GARIN1A: variants seen among roughly 807,000 people sequenced by gnomAD.
GARIN1A encodes the protein golgi associated RAB2 interactor 1A.
the GARIN1A span, among the ~76,000 whole-genome samples, chr7:128,678,728 A>G: frequency 5.3e-5 from 8 of 151,988 alleles, no homozygotes; most frequent in African/African-American, 1.9e-4. Context: ...TAAACTCAGG[A>G]AGCAAAGGTT....
the GARIN1A span, among the ~76,000 whole-genome samples, chr7:128,707,775 A>G: frequency 6.6e-6 from 1 of 152,140 alleles, no homozygotes; most frequent in Admixed American, 6.5e-5. Flanking sequence ...TCTGTGTATA[A>G]GTGACATCAT....
At chr7:128,709,146 A>G in the GARIN1A span, 2 of 152,416 alleles carry the variant, frequency 1.3e-5, no homozygotes, top group African/African-American at 2.4e-5. Context: ...GCTCAAAGCC[A>G]CATGTTGAGA....
chr7:128,692,098 G>A, the GARIN1A span, among the ~76,000 whole-genome samples: 1 of 152,192 alleles, frequency 6.6e-6, no homozygotes, highest in Non-Finnish European at 1.5e-5. Flanking sequence ...GGTATGAAGA[G>A]CTCCCCAATA....
At chr7:128,708,380 CT>C in the GARIN1A span, among the ~76,000 whole-genome samples, 1 of 152,102 alleles carries the variant, frequency 6.6e-6, no homozygotes, top group South Asian at 2.1e-4. Context: ...AAAAAGCTCT[CT>C]TTTCTATTTG....
chr7:128,695,563 G>A, the GARIN1A span, among the ~76,000 whole-genome samples: 8,889 of 151,990 alleles, frequency 0.058, 591 homozygotes, highest in African/African-American at 0.16. This position sits in a 1 kb window ranked among gnomAD's most constrained non-coding sequence, Gnocchi z 4.5. Context: ...TCTTTGAGAC[G>A]GGAGTCTTGC....
chr7:128,680,839 T>TTACAGATG, the GARIN1A span, among the ~76,000 whole-genome samples: 10 of 152,318 alleles, frequency 6.6e-5, no homozygotes, highest in African/African-American at 2.4e-4. Flanking sequence ...AGTGCTGGGA[T>TTACAGATG]TACAGATGTG....
the GARIN1A span, among the ~76,000 whole-genome samples, chr7:128,702,057 G>A: frequency 6.6e-6 from 1 of 152,112 alleles, no homozygotes; most frequent in African/African-American, 2.4e-5. Flanking sequence ...TCTATACTCA[G>A]TGAAAATATC....
At chr7:128,672,301 T>C in the GARIN1A span, 3 of 1,042,700 alleles carry the variant, frequency 2.9e-6, no homozygotes, top group African/African-American at 4.8e-5. Context: ...GAGGAAATGC[T>C]GGGGAGGTGG....
the GARIN1A span, among the ~76,000 whole-genome samples, chr7:128,693,020 A>T: frequency 3.9e-5 from 6 of 152,398 alleles, no homozygotes; most frequent in East Asian, 3.9e-4. Context: ...TGAAACCACC[A>T]GAATTACCAC....
chr7:128,681,710 C>T, the GARIN1A span, among the ~76,000 whole-genome samples: 1 of 151,878 alleles, frequency 6.6e-6, no homozygotes, highest in Non-Finnish European at 1.5e-5. Context: ...GCTATGTTGC[C>T]CAGGCTGGTC....
chr7:128,672,767 C>T, the GARIN1A span, among the ~76,000 whole-genome samples: 4 of 152,088 alleles, frequency 2.6e-5, no homozygotes, highest in South Asian at 4.2e-4. Context: ...GTCATCTGTT[C>T]TAGGGAAATT....
chr7:128,676,467 G>A, the GARIN1A span, among the ~76,000 whole-genome samples: 5 of 94,692 alleles, frequency 5.3e-5, no homozygotes, highest in East Asian at 8.3e-4. Context: ...GTGTGTGTGT[G>A]TATATATAGA....
the GARIN1A span, chr7:128,677,504 C>CGAAAA: frequency 7.9e-7 from 1 of 1,271,456 alleles, no homozygotes; most frequent in Non-Finnish European, 1.0e-6. Context: ...GACTCCGTCT[C>CGAAAA]AAAAAAAAAA....
chr7:128,676,014 A>C, the GARIN1A span, among the ~76,000 whole-genome samples: 2 of 136,968 alleles, frequency 1.5e-5, no homozygotes, highest in African/African-American at 5.4e-5. Flanking sequence ...CGATTTATTT[A>C]GTATCTTTTT....
the GARIN1A span, chr7:128,683,318 C>T: frequency 3.5e-6 from 2 of 574,314 alleles, no homozygotes; most frequent in African/African-American, 3.8e-5. Context: ...AAGTGAGTCC[C>T]TAATTTTTGC....
the GARIN1A span, among the ~76,000 whole-genome samples, chr7:128,678,742 G>T: frequency 6.6e-6 from 1 of 150,924 alleles, no homozygotes; most frequent in East Asian, 2.0e-4. Flanking sequence ...AAAGGTTGCA[G>T]TGAGCTGAAA....
chr7:128,691,135 C>T, the GARIN1A span: 1 of 151,962 alleles, frequency 6.6e-6, no homozygotes, highest in Admixed American at 6.6e-5. Flanking sequence ...TAGATTGAAT[C>T]AAAGCAGAGG....
chr7:128,677,376 G>C, the GARIN1A span, among the ~76,000 whole-genome samples: 11 of 151,790 alleles, frequency 7.2e-5, no homozygotes, highest in East Asian at 7.8e-4. Context: ...GCGTGGTGGC[G>C]GGCGCCTGTA....
chr7:128,697,265 G>C, the GARIN1A span, among the ~76,000 whole-genome samples: 2 of 152,192 alleles, frequency 1.3e-5, no homozygotes, highest in African/African-American at 4.8e-5. Context: ...GGTCTCCCCA[G>C]ATCAAGCCAA....
Sources: allele counts gnomAD v4.1 joint callset (sites outside exome capture counted in the v4.1 genomes callset), GRCh38; gene constraint gnomAD v4.1.1; non-coding constraint Gnocchi (gnomAD v3.1); transcripts MANE v1.5; gene names NCBI Gene and HGNC (gene_info 2026-07-23, HGNC 2026-07-21).